The following BCL2 variants were observed in gnomAD, a reference collection of about 807,000 sequenced individuals.
BCL2 encodes the protein BCL2 apoptosis regulator, also known as apoptosis regulator Bcl-2.
BCL2 carries 1 observed loss-of-function variant against 14.2 expected under a neutral mutation model. That is an observed-to-expected ratio of 0.07 (90% CI 0.02 to 0.33). The LOEUF is 0.33. BCL2 is among the 10% of genes least tolerant of loss of function. The probability of loss-of-function intolerance (pLI) is 0.99; values close to 1 mark genes in which losing one functional copy is unlikely to be tolerated. For synonymous variants in BCL2, 151 were observed against 137.2 expected (o/e 1.10, Z -0.70); for missense variants, 247 against 305.9 (o/e 0.81, Z 1.44).
At chr18:63,132,003 A>G (rs1914080870) in intron 2 of BCL2, among the ~76,000 whole-genome samples, 1 of 152,160 alleles carries the variant, frequency 6.6e-6, no homozygotes, top group African/African-American at 2.4e-5. Context: ...CATGAACCTA[A>G]CAGGCCATTT....
At chr18:63,192,565 C>T (rs1029963160) in intron 2 of BCL2, among the ~76,000 whole-genome samples, 3 of 152,132 alleles carry the variant, frequency 2.0e-5, no homozygotes, top group Admixed American at 1.3e-4. Context: ...TGGCAGGTGT[C>T]CTGAGGTGCA....
intron 2 of BCL2, among the ~76,000 whole-genome samples, chr18:63,247,666 C>T (rs1362013395): frequency 1.3e-5 from 2 of 152,058 alleles, no homozygotes; most frequent in African/African-American, 4.8e-5. Flanking sequence ...GGAGAGCGTC[C>T]TGAATGGTGT....
intron 2 of BCL2, among the ~76,000 whole-genome samples, chr18:63,309,237 GAA>G (rs931427657): frequency 1.2e-4 from 19 of 152,172 alleles, no homozygotes; most frequent in African/African-American, 4.6e-4. Flanking sequence ...TTAGGGCAAT[GAA>G]AGAAGGCAAA....
intron 2 of BCL2, among the ~76,000 whole-genome samples, chr18:63,266,401 C>G (rs1911823455): frequency 6.6e-6 from 1 of 151,464 alleles, no homozygotes; most frequent in Non-Finnish European, 1.5e-5. Context: ...TGGAAAGATA[C>G]ACAGGGCATG....
intron 2 of BCL2, among the ~76,000 whole-genome samples, chr18:63,237,796 G>T (rs187694983): frequency 2.4e-4 from 37 of 152,324 alleles, no homozygotes; most frequent in South Asian, 6.2e-4. Context: ...AAATCTGGAT[G>T]GAAACAGAGA....
At chr18:63,128,828 CAGAG>C (rs1376085646) in intron 2 of BCL2, 69 bp from the exon 3 acceptor site, 1 of 691,994 alleles carries the variant, frequency 1.4e-6, no homozygotes, top group Non-Finnish European at 2.7e-6. Flanking sequence ...TGCCACCCCA[CAGAG>C]AAAGAGGCAT....
intron 2 of BCL2, among the ~76,000 whole-genome samples, chr18:63,225,119 T>G (rs574135817): frequency 6.6e-6 from 1 of 151,934 alleles, no homozygotes; most frequent in South Asian, 2.1e-4. Flanking sequence ...CTATGGAAGA[T>G]AGAGGAAAAG....
chr18:63,290,366 G>A (rs189009307), intron 2 of BCL2, among the ~76,000 whole-genome samples: 30 of 151,818 alleles, frequency 2.0e-4, no homozygotes, highest in Admixed American at 3.3e-4. Context: ...AAAAGGTCCC[G>A]CACAAGAGAA....
At chr18:63,193,412 A>G (rs555658748) in intron 2 of BCL2, among the ~76,000 whole-genome samples, 1 of 150,238 alleles carries the variant, frequency 6.7e-6, no homozygotes, top group Non-Finnish European at 1.5e-5. Flanking sequence ...GGCCCTGACA[A>G]CCACCACTGT....
chr18:63,286,219 T>TAACACTTAA lies in BCL2; in HGVS notation c.585+31862_585+31863insTTAAGTGTT, dbSNP rs567970261. Among the ~76,000 whole-genome samples the TAACACTTAA allele has an allele frequency of 1.8e-4, 28 of 152,356 alleles. No homozygotes were observed. In the East Asian group the frequency reaches 5.0e-3, roughly 27 times the overall value. ...TAAAAGAAATGCCTTAACACTTCCT[T>TAACACTTAA]CACTAGGTTCAAACTTGCTGTGATT... is the stretch of plus-strand genomic sequence containing the variant. On this transcript the variant is annotated intron_variant, in intron 2 of 2. Coordinates refer to ENST00000333681, the MANE Select transcript of BCL2 (RefSeq NM_000633.3).
chr18:63,126,443 A>G lies in BCL2; in HGVS notation c.*2182T>C. 1 of 227,276 alleles carries G rather than the reference A, an allele frequency of 4.4e-6. No homozygotes were observed. The highest frequency in any genetic ancestry group is 2.2e-5 in the African/African-American group (1 of 45,120). 14.1% of individuals were successfully genotyped at this position (227,276 alleles called of 1,614,324 possible). ...CATTTGCCATCTGGATTTTTAACTGAATGAATCTCATGGGTTTAACCAAAC... is the reference window on the plus strand; with the variant it reads ...CATTTGCCATCTGGATTTTTAACTGGATGAATCTCATGGGTTTAACCAAAC... On this transcript the variant is annotated 3_prime_UTR_variant, in exon 3 of 3. Coordinates refer to ENST00000333681, the MANE Select transcript of BCL2 (RefSeq NM_000633.3).
chr18:63,193,576 GTATGTA>G (rs1336163729), intron 2 of BCL2, among the ~76,000 whole-genome samples: 9 of 130,470 alleles, frequency 6.9e-5, no homozygotes, highest in Non-Finnish European at 1.3e-4. Flanking sequence ...AGGCGGAGTA[GTATGTA>G]TGTGTGTGTG....
chr18:63,315,174 C>T (rs569414769), intron 2 of BCL2: 1 of 152,330 alleles, frequency 6.6e-6, no homozygotes, highest in South Asian at 2.1e-4. Flanking sequence ...GCTTTAGCAT[C>T]TCTACAAAGC....
At chr18:63,247,494 G>A (rs561703309) in intron 2 of BCL2, among the ~76,000 whole-genome samples, 8 of 152,156 alleles carry the variant, frequency 5.3e-5, no homozygotes, top group African/African-American at 1.2e-4. Flanking sequence ...CACCGCGCCC[G>A]GCCACAATAG....
At chr18:63,158,772 C>A (rs1052237227) in intron 2 of BCL2, among the ~76,000 whole-genome samples, 4 of 152,184 alleles carry the variant, frequency 2.6e-5, no homozygotes, top group African/African-American at 9.7e-5. Flanking sequence ...GTCTGCCCAC[C>A]ATTTAGGCAC....
At position 63,247,691 on chromosome 18, in the gene BCL2, T is replaced by C. The variant is rs60949248; in HGVS notation, c.585+70391A>G. ...CTGAATGGTGTCATCACCTCCACTG[T>C]CTGGACTCACAAGGTCATGAGAGGT... On this transcript the variant is annotated intron_variant, in intron 2 of 2. Transcript: ENST00000333681. 3.5e-4 allele frequency among the ~76,000 whole-genome samples: 53 copies of C among 152,226 alleles called. 1 individual carries two copies. In the East Asian group the frequency reaches 8.5e-3, roughly 24 times the overall value.
Position 63,126,198 on chromosome 18 carries a change from T to C in BCL2, c.*2427A>G, listed in dbSNP as rs1599194856. 2 of 215,770 alleles carry C rather than the reference T, an allele frequency of 9.3e-6. No homozygotes were observed. Among genetic ancestry groups the C allele is most frequent in the Non-Finnish European group, 1.9e-5 (2 of 106,656 alleles). 13.4% of individuals were successfully genotyped at this position (215,770 alleles called of 1,614,324 possible). On this transcript the variant is annotated 3_prime_UTR_variant, in exon 3 of 3. Coordinates refer to ENST00000333681, the MANE Select transcript of BCL2 (RefSeq NM_000633.3). ...ATCATTCAAAGGTCTGATCATTCTG[T>C]TCCCTGAGGCCCGCCGGGGAGGTCT...
intron 2 of BCL2, among the ~76,000 whole-genome samples, chr18:63,239,299 T>C (rs1910927945): frequency 6.6e-6 from 1 of 152,262 alleles, no homozygotes; most frequent in African/African-American, 2.4e-5. Flanking sequence ...GGGCCTCCCC[T>C]GAGCATCTCT....
chr18:63,228,971 A>G (rs1029750944), intron 2 of BCL2, among the ~76,000 whole-genome samples: 2 of 152,208 alleles, frequency 1.3e-5, no homozygotes, highest in East Asian at 3.8e-4. Context: ...CTGCCTCCCA[A>G]AGTGCTGGGA....
Sources: allele counts gnomAD v4.1 joint callset (sites outside exome capture counted in the v4.1 genomes callset), GRCh38; gene constraint gnomAD v4.1.1; transcripts MANE v1.5; gene names NCBI Gene and HGNC (gene_info 2026-07-23, HGNC 2026-07-21).